Variants in GPC6 observed in about 807,000 individuals in gnomAD.
The protein encoded by GPC6 is glypican-6.
In GPC6, 14 loss-of-function variants were observed where a neutral mutation model predicts 55.2. The ratio of observed to expected loss-of-function variants is 0.25; its 90% confidence interval spans 0.17 to 0.40. The LOEUF (loss-of-function observed/expected upper bound fraction) is 0.40, where lower values mean the gene tolerates loss of function less well. Ranked by LOEUF, GPC6 falls within the 10% of genes least tolerant of loss-of-function variation. GPC6 has a pLI of 1.00. For missense variants in GPC6, 641 were observed against 708.5 expected (o/e 0.90, Z 1.08); for synonymous variants, 278 against 259.6 (o/e 1.07, Z -0.68).
intron 4 of GPC6, among the ~76,000 whole-genome samples, chr13:94,117,378 C>A (rs1886470883): frequency 1.3e-5 from 2 of 152,106 alleles, no homozygotes; most frequent in Non-Finnish European, 2.9e-5. Context: ...AGGTGAATAA[C>A]ATCAAGGGTA....
chr13:94,273,822 T>C (rs1892119643), intron 4 of GPC6, among the ~76,000 whole-genome samples: 1 of 152,226 alleles, frequency 6.6e-6, no homozygotes, highest in Non-Finnish European at 1.5e-5. Flanking sequence ...AAGAACTCTT[T>C]ACCCCTTAAA....
chr13:93,914,312 C>T (rs1016254991), intron 3 of GPC6, among the ~76,000 whole-genome samples: 17 of 151,792 alleles, frequency 1.1e-4, no homozygotes, highest in Non-Finnish European at 1.5e-4. Context: ...TGAGAACATG[C>T]GGTGTTTGGT....
chr13:93,385,878 C>A (rs1875376391), intron 1 of GPC6, among the ~76,000 whole-genome samples: 1 of 151,844 alleles, frequency 6.6e-6, no homozygotes, highest in Non-Finnish European at 1.5e-5. Context: ...TGATTCGACC[C>A]AACAGACTCA....
chr13:93,579,365 G>C (rs1240829312), intron 2 of GPC6, among the ~76,000 whole-genome samples: 1 of 151,856 alleles, frequency 6.6e-6, no homozygotes, highest in Admixed American at 6.6e-5. Flanking sequence ...ATTGACATCT[G>C]TTATGTACCA....
chr13:93,418,458 G>A (rs1355486668), intron 1 of GPC6, among the ~76,000 whole-genome samples: 16 of 144,776 alleles, frequency 1.1e-4, no homozygotes, highest in African/African-American at 4.2e-4. Flanking sequence ...GCACTATACT[G>A]TAGTATTACT....
intron 4 of GPC6, among the ~76,000 whole-genome samples, chr13:94,151,958 T>C (rs1200937458): frequency 6.6e-6 from 1 of 152,186 alleles, no homozygotes; most frequent in Non-Finnish European, 1.5e-5. Context: ...ATTTTTTCTT[T>C]CTTTTTTATT....
chr13:93,390,851 A>G (rs1875603121), intron 1 of GPC6, among the ~76,000 whole-genome samples: 1 of 149,928 alleles, frequency 6.7e-6, no homozygotes, highest in Admixed American at 6.7e-5. Flanking sequence ...TTGTTTCCTT[A>G]TAAGGGCATT....
intron 4 of GPC6, among the ~76,000 whole-genome samples, chr13:94,062,938 A>G (rs940866096): frequency 6.6e-6 from 1 of 152,150 alleles, no homozygotes; most frequent in Non-Finnish European, 1.5e-5. Flanking sequence ...GTGGGGTGAA[A>G]TACTACCAAT....
rs185681547 is a variant in GPC6, at chr13:93,720,353, A to G, written c.320-109801A>G. ...CTTCTAGATTTTCTAGTTTATTTGC[A>G]TAGAGGTGTTTGTAGTATTCTCTGA... On this transcript the variant is annotated intron_variant, in intron 2 of 8. Transcript: ENST00000377047. 3.3e-5 allele frequency among the ~76,000 whole-genome samples: 5 copies of G among 151,958 alleles called. No individual in the cohort carries two copies. In the East Asian group the frequency reaches 9.7e-4, roughly 29 times the overall value.
At chr13:93,430,349 A>C (rs77262001) in intron 1 of GPC6, among the ~76,000 whole-genome samples, 4,410 of 152,206 alleles carry the variant, frequency 0.029, 220 homozygotes, top group African/African-American at 0.1. Context: ...GCATGATATT[A>C]GTTTTGAAAG....
intron 2 of GPC6, among the ~76,000 whole-genome samples, chr13:93,613,300 A>G (rs1329058032): frequency 6.6e-6 from 1 of 152,190 alleles, no homozygotes; most frequent in Non-Finnish European, 1.5e-5. Context: ...CTTAATTTAT[A>G]CCTGAAACTT....
intron 3 of GPC6, among the ~76,000 whole-genome samples, chr13:93,864,698 C>A (rs1221193531): frequency 6.6e-6 from 1 of 151,702 alleles, no homozygotes; most frequent in East Asian, 2.0e-4. Context: ...TAGTATCATT[C>A]TAGTTTTACA....
chr13:93,326,818 A>AT (rs1879674909), intron 1 of GPC6, among the ~76,000 whole-genome samples: 1 of 152,116 alleles, frequency 6.6e-6, no homozygotes, highest in Non-Finnish European at 1.5e-5. Context: ...TCCAGCGAAC[A>AT]TTTTTTTAAA....
At chr13:93,592,820 T>C (rs16949013) in intron 2 of GPC6, among the ~76,000 whole-genome samples, 6,520 of 152,138 alleles carry the variant, frequency 0.043, 461 homozygotes, top group African/African-American at 0.15. Context: ...TGAAGTCAAA[T>C]ATTGTTCCAG....
intron 6 of GPC6, among the ~76,000 whole-genome samples, chr13:94,348,288 C>T (rs1028062678): frequency 4.6e-5 from 7 of 152,210 alleles, no homozygotes; most frequent in African/African-American, 1.7e-4. Flanking sequence ...GTCCCCACTA[C>T]CTTCCCCTGC....
chr13:94,020,493 C>T (rs1882654839), intron 3 of GPC6, among the ~76,000 whole-genome samples: 1 of 152,104 alleles, frequency 6.6e-6, no homozygotes. Flanking sequence ...AAAGTTGATT[C>T]TGTCATGTCA....
intron 3 of GPC6, among the ~76,000 whole-genome samples, chr13:94,016,109 A>T (rs1882456744): frequency 6.6e-6 from 1 of 152,146 alleles, no homozygotes; most frequent in Non-Finnish European, 1.5e-5. Flanking sequence ...TCTACTCTAG[A>T]TACTTCATAT....
chr13:94,066,922 T>C (rs1304178454), intron 4 of GPC6, among the ~76,000 whole-genome samples: 2 of 152,228 alleles, frequency 1.3e-5, no homozygotes, highest in Non-Finnish European at 2.9e-5. Flanking sequence ...CTTGGCAACC[T>C]TGCATGGAAT....
intron 2 of GPC6, among the ~76,000 whole-genome samples, chr13:93,667,928 G>A (rs959062599): frequency 1.3e-5 from 2 of 152,108 alleles, no homozygotes; most frequent in Non-Finnish European, 2.9e-5. Flanking sequence ...TAATATTAAA[G>A]GGAAGTTCCT....
Sources: gnomAD v4.1 joint callset for allele counts (sites outside exome capture counted in the v4.1 genomes callset) on GRCh38, gnomAD v4.1.1 for gene constraint, MANE v1.5 for transcripts, NCBI Gene and HGNC (gene_info 2026-07-23, HGNC 2026-07-21) for gene names.